PLCL1: variants seen among roughly 807,000 people sequenced by gnomAD.
The protein encoded by PLCL1 is phospholipase C like 1 (inactive).
Under a neutral mutation model 84.4 loss-of-function variants are expected in PLCL1, and 41 were observed. The ratio of observed to expected loss-of-function variants is 0.49; its 90% CI spans 0.38 to 0.63. PLCL1 has a LOEUF of 0.63. Among genes scored for constraint, PLCL1 ranks in the 30% least tolerant of loss-of-function variants. PLCL1 has a pLI of 0.00. For missense variants in PLCL1, 1,206 were observed against 1,367.8 expected (o/e 0.88, Z 1.87); for synonymous variants, 490 against 488.3 (o/e 1.00, Z -0.05).
intron 1 of PLCL1, among the ~76,000 whole-genome samples, chr2:198,063,171 T>C (rs1692244408): frequency 1.4e-5 from 2 of 145,980 alleles, no homozygotes; most frequent in African/African-American, 5.6e-5. Context: ...TTACTGAGTT[T>C]TTTCCTCTTT....
At chr2:198,034,721 A>T (rs1332091722) in intron 1 of PLCL1, among the ~76,000 whole-genome samples, 2 of 152,242 alleles carry the variant, frequency 1.3e-5, no homozygotes, top group African/African-American at 2.4e-5. Context: ...TGATTGTCTC[A>T]TCAATGTCAT....
chr2:198,088,716 A>C (rs1045680819), intron 2 of PLCL1, 142 bp from the exon 3 acceptor site: 3 of 711,862 alleles, frequency 4.2e-6, no homozygotes, highest in African/African-American at 1.7e-5. Flanking sequence ...GTGATTGCTA[A>C]AAATTGAGCA....
intron 1 of PLCL1, among the ~76,000 whole-genome samples, chr2:197,938,138 A>C (rs1394242627): frequency 6.6e-6 from 1 of 152,162 alleles, no homozygotes; most frequent in Non-Finnish European, 1.5e-5. Flanking sequence ...TCCAGTCTTC[A>C]TGAGTCAATA....
intron 1 of PLCL1, among the ~76,000 whole-genome samples, chr2:197,917,732 T>C (rs568309833): frequency 3.3e-5 from 5 of 152,298 alleles, no homozygotes; most frequent in African/African-American, 9.6e-5. Flanking sequence ...TGGATGATTC[T>C]AGGACTGGGC....
At chr2:198,114,658 C>T (rs1448418313) in intron 5 of PLCL1, among the ~76,000 whole-genome samples, 1 of 151,734 alleles carries the variant, frequency 6.6e-6, no homozygotes, top group African/African-American at 2.4e-5. Flanking sequence ...CATTCTGGTT[C>T]CTTACAGCCC....
chr2:197,819,297 C>T (rs184357107), intron 1 of PLCL1, among the ~76,000 whole-genome samples: 63 of 152,152 alleles, frequency 4.1e-4, no homozygotes, highest in African/African-American at 9.6e-4. Context: ...TCTAGCTTGC[C>T]GTGGGGGCTG....
rs147580310 is a variant in PLCL1, at chr2:197,860,456, G to T, written c.240+55117G>T. On this transcript the variant is annotated intron_variant, in intron 1 of 5. Transcript: ENST00000428675. ...TAGTTCTTTGAGGAATCACTACACT[G>T]CTTTCCACAATGGTTGAACTAATTT... Among the ~76,000 whole-genome samples the T allele has an allele frequency of 6.9e-3, 1,048 of 152,232 alleles. 12 individuals carry two copies. The highest frequency in any genetic ancestry group is 0.024 in the African/African-American group (1,006 of 41,552).
intron 1 of PLCL1, among the ~76,000 whole-genome samples, chr2:197,916,298 A>G (rs1417029973): frequency 2.0e-5 from 3 of 152,130 alleles, no homozygotes; most frequent in Non-Finnish European, 2.9e-5. Context: ...TTATCTTTCT[A>G]GTTTCTAGGC....
At chr2:198,060,916 T>C (rs7568948) in intron 1 of PLCL1, among the ~76,000 whole-genome samples, 4,976 of 152,244 alleles carry the variant, frequency 0.033, 264 homozygotes, top group African/African-American at 0.11. Context: ...TGCACTGATA[T>C]TGATGTGTTA....
At chr2:197,810,353 G>T in intron 1 of PLCL1, 2 of 887,338 alleles carry the variant, frequency 2.3e-6, no homozygotes, top group Non-Finnish European at 3.2e-6. Context: ...TTGATGAAAG[G>T]TTTTTGAAGT....
intron 1 of PLCL1, among the ~76,000 whole-genome samples, chr2:198,062,517 C>T (rs552254847): frequency 3.3e-5 from 5 of 151,970 alleles, no homozygotes; most frequent in African/African-American, 1.2e-4. Flanking sequence ...TTGCAATACC[C>T]TTCCTCTTTT....
intron 5 of PLCL1, among the ~76,000 whole-genome samples, chr2:198,134,729 G>A (rs1694212299): frequency 6.6e-6 from 1 of 152,198 alleles, no homozygotes; most frequent in African/African-American, 2.4e-5. Context: ...TGTAGGGAAT[G>A]CCATGCACGT....
chr2:198,051,334 C>T (rs55767549), intron 1 of PLCL1, among the ~76,000 whole-genome samples: 6,892 of 152,158 alleles, frequency 0.045, 506 homozygotes, highest in African/African-American at 0.16. Flanking sequence ...AAAATAGTTC[C>T]TATATACTCT....
intron 5 of PLCL1, among the ~76,000 whole-genome samples, chr2:198,113,368 T>A (rs1693667730): frequency 6.6e-6 from 1 of 151,972 alleles, no homozygotes; most frequent in African/African-American, 2.4e-5. Context: ...ACGTCTTTAC[T>A]AGGTGACAGG....
At chr2:198,135,402 C>G (rs1357237044) in intron 5 of PLCL1, among the ~76,000 whole-genome samples, 1 of 152,126 alleles carries the variant, frequency 6.6e-6, no homozygotes, top group African/African-American at 2.4e-5. Context: ...TCTGTTGACA[C>G]AGAGGGAGAT....
intron 1 of PLCL1, among the ~76,000 whole-genome samples, chr2:197,998,090 G>C (rs1348522656): frequency 6.6e-6 from 1 of 151,864 alleles, no homozygotes; most frequent in African/African-American, 2.4e-5. Flanking sequence ...GAGCGAGACA[G>C]AAACTGAAAA....
chr2:197,882,292 A>G (rs1178115904), intron 1 of PLCL1, among the ~76,000 whole-genome samples: 1 of 149,138 alleles, frequency 6.7e-6, no homozygotes, highest in African/African-American at 2.4e-5. Context: ...AAGATAAGCA[A>G]AAAAAGGCAT....
intron 1 of PLCL1, among the ~76,000 whole-genome samples, chr2:197,843,358 A>T (rs992428450): frequency 6.6e-6 from 1 of 152,220 alleles, no homozygotes; most frequent in Non-Finnish European, 1.5e-5. Context: ...CAGATTAATC[A>T]CTAATTAAAA....
chr2:197,891,635 G>A (rs561044687), intron 1 of PLCL1, among the ~76,000 whole-genome samples: 29 of 150,270 alleles, frequency 1.9e-4, no homozygotes, highest in African/African-American at 6.9e-4. Context: ...GATTAGAACT[G>A]TGTTTGAGAT....
Sources: gnomAD v4.1 joint callset for allele counts (sites outside exome capture counted in the v4.1 genomes callset) on GRCh38, gnomAD v4.1.1 for gene constraint, MANE v1.5 for transcripts, NCBI Gene and HGNC (gene_info 2026-07-23, HGNC 2026-07-21) for gene names.